Variants in PPP1R2 observed in about 807,000 individuals in gnomAD.
PPP1R2 encodes the protein protein phosphatase 1 regulatory inhibitor subunit 2.
Under a neutral mutation model 29.9 loss-of-function variants are expected in PPP1R2, and 16 were observed. The ratio of observed to expected loss-of-function variants is 0.53; its 90% CI spans 0.36 to 0.81. The LOEUF is 0.81. Ranked by LOEUF, PPP1R2 falls within the 30% of genes least tolerant of loss-of-function variation. The probability of loss-of-function intolerance (pLI) is 0.00; values close to 1 mark genes in which losing one functional copy is unlikely to be tolerated. For missense variants in PPP1R2, 197 were observed against 252.7 expected (o/e 0.78, Z 1.49); for synonymous variants, 76 against 91.5 (o/e 0.83, Z 0.96).
intron 1 of PPP1R2, among the ~76,000 whole-genome samples, chr3:195,539,658 G>A (rs1289758726): frequency 1.3e-5 from 2 of 152,128 alleles, no homozygotes; most frequent in Non-Finnish European, 2.9e-5. Flanking sequence ...CTCCAGCCCA[G>A]GTGGCAGAAT....
Position 195,516,835 on chromosome 3 carries a change from A to G in PPP1R2, c.*61T>C. The G allele has an allele frequency of 1.4e-6, 2 of 1,425,636 alleles. No individual in the cohort carries two copies. The highest frequency in any genetic ancestry group is 2.0e-6 in the Non-Finnish European group (2 of 1,013,576). 88.3% of individuals were successfully genotyped at this position (1,425,636 alleles called of 1,614,324 possible). On this transcript the variant is annotated 3_prime_UTR_variant, in exon 6 of 6. Coordinates refer to ENST00000618156, the MANE Select transcript of PPP1R2 (RefSeq NM_006241.8). ...TCATGAATTGTGAAGAACAAGAAGC[A>G]ACGTACTATAGTCACAGGGTTTACA...
Position 195,524,802 on chromosome 3 carries a change from C to T in PPP1R2, c.308+17G>A, listed in dbSNP as rs764558653. 1.3e-5 allele frequency: 21 copies of T among 1,612,724 alleles called. No homozygotes were observed. The East Asian group carries it at 1.6e-4, about 12-fold the overall frequency. ...AAACAGCCTAAGTGAAAATGTGCTC[C>T]GGTCATTAGTACTTACTTCCTGGCT... On this transcript the variant is annotated intron_variant, in intron 3 of 5. Transcript: ENST00000618156.
intron 5 of PPP1R2, among the ~76,000 whole-genome samples, chr3:195,517,905 T>C (rs1577560917): frequency 6.6e-6 from 1 of 152,332 alleles, no homozygotes; most frequent in East Asian, 1.9e-4. Context: ...ACTGTAATCC[T>C]GACACTATGA....
chr3:195,524,777 A>T (rs376336777), intron 3 of PPP1R2, 42 bp downstream of exon 3: 1 of 1,590,468 alleles, frequency 6.3e-7, no homozygotes, highest in African/African-American at 1.3e-5. Context: ...GCACGATTAT[A>T]AACAGCCTAA....
chr3:195,526,102 A>ATT (rs1577570941), intron 2 of PPP1R2, among the ~76,000 whole-genome samples: 12 of 56,526 alleles, frequency 2.1e-4, no homozygotes, highest in African/African-American at 9.3e-4. Flanking sequence ...ACTTAAATAA[A>ATT]ATTTTTTTTT....
At chr3:195,520,819 T>C (rs1431833087) in intron 4 of PPP1R2, among the ~76,000 whole-genome samples, 1 of 151,794 alleles carries the variant, frequency 6.6e-6, no homozygotes, top group East Asian at 1.9e-4. Flanking sequence ...ACACCTGGCC[T>C]CCAAAGTACT....
rs1718854958 is a variant in PPP1R2, at chr3:195,523,710, G to A, written c.385C>T (p.Leu129Phe). 1.9e-6 allele frequency: 3 copies of A among 1,613,842 alleles called. No individual in the cohort carries two copies. Among genetic ancestry groups the A allele is most frequent in the Non-Finnish European group, 2.5e-6 (3 of 1,179,906 alleles). The change falls in exon 4 of 6, where the codon CTC becomes TTC. Residue 129 changes from leucine (L) to phenylalanine (F), a missense_variant. Physicochemically the swap from Leu to Phe is conservative, Grantham distance 22 (BLOSUM62 0). This residue lies in a region of PPP1R2 where 135 missense variants were observed against 163.0 expected (regional missense o/e 0.83). Transcript: ENST00000618156. ...AAACTACCTCGTTCTTCAGGTGAGA[G>A]GTCACTATCCTCCTCTCCACTGCTT... is the stretch of plus-strand genomic sequence containing the variant. ...QESSGEEDSD[L>F]SPEEREKKRQ...
intron 1 of PPP1R2, among the ~76,000 whole-genome samples, chr3:195,535,930 A>G (rs1719362946): frequency 6.6e-6 from 1 of 152,144 alleles, no homozygotes; most frequent in South Asian, 2.1e-4. Context: ...CGCCTTTATC[A>G]CCCAAGACAG....
At chr3:195,540,117 T>C (rs911361828) in intron 1 of PPP1R2, among the ~76,000 whole-genome samples, 4 of 152,194 alleles carry the variant, frequency 2.6e-5, no homozygotes, top group South Asian at 2.1e-4. Context: ...TTTACCTACT[T>C]GCTAAAATGT....
chr3:195,533,360 A>G lies in PPP1R2; in HGVS notation c.123-3459T>C, dbSNP rs1719257809. Among the ~76,000 whole-genome samples, 2 of 152,102 alleles carry G rather than the reference A, an allele frequency of 1.3e-5. 1 individual carries two copies. The highest frequency in any genetic ancestry group is 4.1e-4 in the South Asian group (2 of 4,820). On this transcript the variant is annotated intron_variant, in intron 1 of 5. Coordinates refer to ENST00000618156, the MANE Select transcript of PPP1R2 (RefSeq NM_006241.8). ...ACTCTGCCTCAGGAAAAAAAAAAAA[A>G]AAAGCTCTATGATGCTAGTTGTTTC...
chr3:195,522,858 C>T (rs781450962), intron 4 of PPP1R2, among the ~76,000 whole-genome samples: 25 of 152,230 alleles, frequency 1.6e-4, no homozygotes, highest in Non-Finnish European at 2.2e-4. Flanking sequence ...TACGCCACAA[C>T]ACTTCAAGTA....
intron 1 of PPP1R2, among the ~76,000 whole-genome samples, chr3:195,541,741 T>A (rs569019464): frequency 6.6e-6 from 1 of 152,116 alleles, no homozygotes; most frequent in Non-Finnish European, 1.5e-5. Context: ...GAAAATTGTG[T>A]GTGAGAGAAT....
intron 2 of PPP1R2, among the ~76,000 whole-genome samples, chr3:195,526,458 G>C (rs1718974362): frequency 6.6e-6 from 1 of 152,066 alleles, no homozygotes; most frequent in African/African-American, 2.4e-5. Flanking sequence ...ACTGAGCAGT[G>C]AACTGATAAA....
intron 2 of PPP1R2, chr3:195,529,084 C>A (rs2686440): frequency 0.36 from 54,384 of 150,500 alleles, 10,249 homozygotes; most frequent in African/African-American, 0.4. Flanking sequence ...ACCACGTTGG[C>A]CGGGCTGGTC....
intron 1 of PPP1R2, among the ~76,000 whole-genome samples, chr3:195,538,901 T>C (rs1268775240): frequency 1.3e-5 from 2 of 152,168 alleles, no homozygotes; most frequent in Non-Finnish European, 2.9e-5. Context: ...TCACAACTAA[T>C]AAAGTTTGCT....
At chr3:195,526,287 G>A (rs980455559) in intron 2 of PPP1R2, among the ~76,000 whole-genome samples, 1 of 151,690 alleles carries the variant, frequency 6.6e-6, no homozygotes, top group African/African-American at 2.4e-5. Context: ...TTGTAGAGAC[G>A]GGGTCTCTCT....
At chr3:195,517,068 A>C in intron 5 of PPP1R2, 126 bp from the exon 6 acceptor site, 1 of 713,678 alleles carries the variant, frequency 1.4e-6, no homozygotes, top group Non-Finnish European at 2.4e-6. Flanking sequence ...GGTATATTTC[A>C]TGTAGGCTGA....
chr3:195,517,093 G>GAAGAATCTATAC (rs1366127342), intron 5 of PPP1R2, 151 bp from the exon 6 acceptor site: 13 of 643,134 alleles, frequency 2.0e-5, no homozygotes, highest in Non-Finnish European at 1.4e-5. Flanking sequence ...GACTGAAATT[G>GAAGAATCTATAC]AAGAATCTAT....
intron 4 of PPP1R2, among the ~76,000 whole-genome samples, chr3:195,521,608 T>C (rs1224314219): frequency 6.6e-6 from 1 of 152,168 alleles, no homozygotes; most frequent in Non-Finnish European, 1.5e-5. Context: ...ATTTTCTCAG[T>C]ATGAGCCAGT....
Sources: gnomAD v4.1 joint callset for allele counts (sites outside exome capture counted in the v4.1 genomes callset) on GRCh38, gnomAD v4.1.1 for gene constraint, gnomAD v4.1.1 regional missense constraint, MANE v1.5 for transcripts, NCBI Gene and HGNC (gene_info 2026-07-23, HGNC 2026-07-21) for gene names.